DCAF6: variants seen among roughly 807,000 people sequenced by gnomAD.
DCAF6 encodes DDB1- and CUL4-associated factor 6.
Under a neutral mutation model 125.1 loss-of-function variants are expected in DCAF6, and 54 were observed. The observed-to-expected ratio is 0.43, with a 90% confidence interval of 0.35 to 0.54. The LOEUF (loss-of-function observed/expected upper bound fraction) is 0.54. Ranked by LOEUF, DCAF6 falls within the 20% of genes least tolerant of loss-of-function variation. The pLI, the probability that DCAF6 is intolerant of heterozygous loss-of-function variation, is 0.01. For synonymous variants in DCAF6, 371 were observed against 390.4 expected, an observed-to-expected ratio of 0.95 and a Z score of 0.58; for missense variants, 934 against 1,161.7, an observed-to-expected ratio of 0.80 and a Z score of 2.85.
the DCAF6 span, among the ~76,000 whole-genome samples, chr1:167,882,901 C>A: frequency 2.0e-5 from 3 of 152,182 alleles, no homozygotes; most frequent in African/African-American, 4.8e-5. Flanking sequence ...CAAGAGCAAC[C>A]TACTGCTCAG....
At position 168,026,974 on chromosome 1, in the gene DCAF6, A is replaced by G. The variant is rs78541645; in HGVS notation, c.1609+3927A>G. On this transcript the variant is annotated intron_variant, in intron 12 of 21. Coordinates refer to ENST00000367840, the MANE Select transcript of DCAF6 (RefSeq NM_001198956.2). ...ATCTAGCTAATGAGACCAAACAGGA[A>G]TGATGAGAGAAGTACGCAGGGCAGA... 5.0e-3 allele frequency among the ~76,000 whole-genome samples: 766 copies of G among 152,262 alleles called. 5 individuals are homozygous for G. Among genetic ancestry groups the G allele is most frequent in the African/African-American group, 0.017 (716 of 41,580 alleles).
chr1:167,966,575 C>A, intron 2 of DCAF6, 54 bp from the exon 3 acceptor site: 3 of 1,130,662 alleles, frequency 2.7e-6, no homozygotes, highest in Non-Finnish European at 4.0e-6. Flanking sequence ...TGAAAGATGG[C>A]ATATTTTCTT....
chr1:167,880,183 G>T, the DCAF6 span: 4 of 1,612,794 alleles, frequency 2.5e-6, no homozygotes, highest in Middle Eastern at 3.3e-4. Flanking sequence ...AACACCGATG[G>T]ATACAGTTCT....
At chr1:167,980,814 G>A (rs1196507407) in intron 4 of DCAF6, among the ~76,000 whole-genome samples, 1 of 151,294 alleles carries the variant, frequency 6.6e-6, no homozygotes, top group Non-Finnish European at 1.5e-5. Context: ...TAAGTTTGAT[G>A]TAGTTCCACT....
At chr1:167,893,881 T>C in the DCAF6 span, 1 of 1,613,428 alleles carries the variant, frequency 6.2e-7, no homozygotes, top group African/African-American at 1.3e-5. Context: ...CATCACATAC[T>C]TTTGTAGGGA....
chr1:168,017,772 A>G (rs920882293), intron 11 of DCAF6, among the ~76,000 whole-genome samples: 2 of 152,278 alleles, frequency 1.3e-5, no homozygotes, highest in Admixed American at 1.3e-4. Context: ...CTACCCATAC[A>G]GAAAGCACCA....
At position 167,936,907 on chromosome 1, in the gene DCAF6, G is replaced by C; in HGVS notation, c.-5G>C. On this transcript the variant is annotated 5_prime_UTR_variant, in exon 1 of 22. Coordinates refer to ENST00000367840, the MANE Select transcript of DCAF6 (RefSeq NM_001198956.2). ...TCTCCCCTCCCACCCGGCTCAGGCA[G>C]AGCCATGTCTCGGGGTGGCTCCTAC... 1.3e-6 allele frequency: 2 copies of C among 1,596,566 alleles called. No individual in the cohort carries two copies. Among genetic ancestry groups the C allele is most frequent in the Non-Finnish European group, 1.7e-6 (2 of 1,172,906 alleles).
the DCAF6 span, among the ~76,000 whole-genome samples, chr1:167,915,201 C>T: frequency 1.3e-5 from 2 of 152,166 alleles, no homozygotes; most frequent in Non-Finnish European, 2.9e-5. Context: ...GAAACAGCAG[C>T]ACTGACATAC....
At chr1:167,949,406 A>C in intron 1 of DCAF6, among the ~76,000 whole-genome samples, 1 of 152,228 alleles carries the variant, frequency 6.6e-6, no homozygotes. Context: ...ACACTGGAGT[A>C]CTGAGAGCCT....
chr1:167,910,033 C>T, the DCAF6 span, among the ~76,000 whole-genome samples: 1 of 152,188 alleles, frequency 6.6e-6, no homozygotes, highest in Non-Finnish European at 1.5e-5. Flanking sequence ...TGGAACCCCT[C>T]ACAGCTCTAA....
the DCAF6 span, chr1:167,901,576 C>A: frequency 7.3e-7 from 1 of 1,361,798 alleles, no homozygotes; most frequent in Non-Finnish European, 1.0e-6. Flanking sequence ...CCATGTTCTA[C>A]TACTTCTCTT....
intron 12 of DCAF6, among the ~76,000 whole-genome samples, chr1:168,035,386 G>A (rs558061319): frequency 1.3e-5 from 2 of 152,310 alleles, no homozygotes; most frequent in East Asian, 3.9e-4. Flanking sequence ...AATTGAGGAT[G>A]CAGCGAGCCA....
At position 168,045,004 on chromosome 1, in the gene DCAF6, T is replaced by A. The variant is rs1275526620; in HGVS notation, c.2035T>A (p.Ser679Thr). 6.2e-7 allele frequency: 1 copy of A among 1,614,088 alleles called. No homozygotes were observed. Among genetic ancestry groups the A allele is most frequent in the East Asian group, 2.2e-5 (1 of 44,880 alleles). ...TGGGGTTCCAGAAGAATCTGCTTCA[T>A]CTGAAAAAGCCAAGGAACCAGAAAC... The part of the protein sequence containing the change: ...SCGVPEESAS[S>T]EKAKEPETSD... The change falls in exon 16 of 22, where the codon TCT becomes ACT. Residue 679 changes from serine (S) to threonine (T), a missense_variant. Around this residue, in one of 5 missense-constraint regions of DCAF6, gnomAD observed 559 missense variants for 635.5 expected, o/e 0.88. Transcript: ENST00000367840.
At chr1:167,925,510 T>A in the DCAF6 span, among the ~76,000 whole-genome samples, 2 of 136,026 alleles carry the variant, frequency 1.5e-5, no homozygotes, top group African/African-American at 2.6e-5. Context: ...TATATACACA[T>A]ACAAACAACG....
At chr1:168,025,682 T>G (rs1311376505) in intron 12 of DCAF6, among the ~76,000 whole-genome samples, 1 of 152,158 alleles carries the variant, frequency 6.6e-6, no homozygotes, top group African/African-American at 2.4e-5. Context: ...CCCACCACCA[T>G]TTGTCTCTCC....
At chr1:168,017,431 A>G (rs1685128772) in intron 11 of DCAF6, among the ~76,000 whole-genome samples, 1 of 152,128 alleles carries the variant, frequency 6.6e-6, no homozygotes, top group Admixed American at 6.5e-5. Flanking sequence ...AGAAGTATAC[A>G]TTGTAGATGT....
At chr1:168,067,048 A>C (rs1282743660) in intron 20 of DCAF6, among the ~76,000 whole-genome samples, 1 of 152,178 alleles carries the variant, frequency 6.6e-6, no homozygotes, top group East Asian at 1.9e-4. Context: ...AAGGTGGATA[A>C]TAGGAAGGCA....
At chr1:167,969,852 C>T (rs534632041) in intron 3 of DCAF6, among the ~76,000 whole-genome samples, 3 of 152,234 alleles carry the variant, frequency 2.0e-5, no homozygotes, top group Non-Finnish European at 4.4e-5. Flanking sequence ...TCTCGGCCCA[C>T]TGCAAACTCT....
At chr1:167,908,253 A>C in the DCAF6 span, among the ~76,000 whole-genome samples, 3 of 152,260 alleles carry the variant, frequency 2.0e-5, no homozygotes, top group Admixed American at 1.3e-4. Context: ...CTTGTATGAT[A>C]GTGTGGATGA....
Sources: allele counts gnomAD v4.1 joint callset (sites outside exome capture counted in the v4.1 genomes callset), GRCh38; gene constraint gnomAD v4.1.1; regional missense constraint gnomAD v4.1.1; transcripts MANE v1.5; gene names NCBI Gene and HGNC (gene_info 2026-07-23, HGNC 2026-07-21).